The following NTNG1 variants were observed in gnomAD, a reference collection of about 807,000 sequenced individuals.
The protein encoded by NTNG1 is netrin G1, also known as netrin-G1.
NTNG1 carries 16 observed loss-of-function variants against 54.0 expected under a neutral mutation model. The ratio of observed to expected loss-of-function variants is 0.30; its 90% CI spans 0.20 to 0.45. The LOEUF (loss-of-function observed/expected upper bound fraction) is 0.45. Among genes scored for constraint, NTNG1 ranks in the 20% least tolerant of loss-of-function variants. The pLI, the probability that NTNG1 is intolerant of heterozygous loss-of-function variation, is 1.00. For synonymous variants in NTNG1, 255 were observed against 263.1 expected (o/e 0.97, Z 0.30); for missense variants, 530 against 678.7 (o/e 0.78, Z 2.43).
chr1:107,467,394 T>G lies in NTNG1; in HGVS notation c.1391-13217T>G, dbSNP rs568605438. ...TGAACCTATATTAACAATTACCATTTCTGTGACTCTGACAGTCTATCTTTT... is the reference window on the plus strand; with the variant it reads ...TGAACCTATATTAACAATTACCATTGCTGTGACTCTGACAGTCTATCTTTT... On this transcript the variant is annotated intron_variant, in intron 7 of 7. Coordinates refer to ENST00000370068, the MANE Select transcript of NTNG1 (RefSeq NM_001113226.3). Among the ~76,000 whole-genome samples the G allele has an allele frequency of 7.2e-5, 11 of 152,352 alleles. 2 individuals carry two copies. The South Asian group carries it at 2.3e-3, about 32-fold the overall frequency.
At chr1:107,322,930 G>A (rs1351173451) in intron 2 of NTNG1, among the ~76,000 whole-genome samples, 1 of 151,994 alleles carries the variant, frequency 6.6e-6, no homozygotes, top group Non-Finnish European at 1.5e-5. Flanking sequence ...GAGAGTATTA[G>A]CTGACTAGGT....
rs186624085 is a variant in NTNG1, at chr1:107,306,182, A to G, written c.247-18100A>G. On this transcript the variant is annotated intron_variant, in intron 2 of 7. Coordinates refer to ENST00000370068, the MANE Select transcript of NTNG1 (RefSeq NM_001113226.3). ...CTATATAAGTAATTTTAAATTTAAC[A>G]AAGGTAAAATGAAACAGGTAAAATA... Among the ~76,000 whole-genome samples, 196 of 152,358 alleles carry G rather than the reference A, an allele frequency of 1.3e-3. 1 individual carries two copies. The highest frequency in any genetic ancestry group is 4.6e-3 in the African/African-American group (190 of 41,586).
At position 107,247,225 on chromosome 1, in the gene NTNG1, ACCC is replaced by A. The variant is rs1464229995; in HGVS notation, c.247-77056_247-77054del. On this transcript the variant is annotated intron_variant, in intron 2 of 7. Coordinates refer to ENST00000370068, the MANE Select transcript of NTNG1 (RefSeq NM_001113226.3). ...GCACCATTAATCATGCCACAACAGC[ACCC>A]TCAATCTTGCTTAGAAATAATCATT... 2.6e-5 allele frequency among the ~76,000 whole-genome samples: 4 copies of A among 152,300 alleles called. No homozygotes were observed. In the East Asian group the frequency reaches 7.7e-4, roughly 29 times the overall value.
intron 7 of NTNG1, among the ~76,000 whole-genome samples, chr1:107,453,700 A>G (rs915120632): frequency 2.0e-5 from 3 of 152,228 alleles, no homozygotes; most frequent in Non-Finnish European, 4.4e-5. Context: ...ACTCTTACAC[A>G]TAAAAACTCT....
intron 2 of NTNG1, among the ~76,000 whole-genome samples, chr1:107,237,024 G>A (rs1389299472): frequency 6.6e-6 from 1 of 152,182 alleles, no homozygotes; most frequent in African/African-American, 2.4e-5. Context: ...GCAGAGATTG[G>A]AACAGTTTGG....
intron 1 of NTNG1, 144 bp from the exon 2 acceptor site, chr1:107,147,925 T>G (rs1654249801): frequency 6.6e-6 from 1 of 152,178 alleles, no homozygotes; most frequent in South Asian, 2.1e-4. Context: ...GTTTGCTCAT[T>G]CTAGCAAAGC....
intron 5 of NTNG1, chr1:107,418,640 A>G: frequency 6.3e-7 from 1 of 1,594,892 alleles, no homozygotes; most frequent in Non-Finnish European, 8.6e-7. Flanking sequence ...TCTAACCCAA[A>G]ACAAGGTAGG....
intron 3 of NTNG1, among the ~76,000 whole-genome samples, chr1:107,378,972 C>A (rs1671478064): frequency 6.6e-6 from 1 of 152,222 alleles, no homozygotes; most frequent in South Asian, 2.1e-4. Flanking sequence ...TTAAATATAA[C>A]CCTGCAATAG....
intron 7 of NTNG1, among the ~76,000 whole-genome samples, chr1:107,437,523 G>A (rs139918620): frequency 2.6e-5 from 4 of 152,162 alleles, no homozygotes; most frequent in African/African-American, 9.6e-5. Context: ...TTTGAATTCC[G>A]AACTAACTTT....
chr1:107,169,651 A>T (rs1168776787), intron 2 of NTNG1, among the ~76,000 whole-genome samples: 1 of 152,190 alleles, frequency 6.6e-6, no homozygotes, highest in East Asian at 1.9e-4. Context: ...GAAATTTAAA[A>T]TGGTAAGGTG....
rs1159876222 is a variant in NTNG1 at position 107,279,840 on chromosome 1, G to A, written c.247-44442G>A. Among the ~76,000 whole-genome samples the A allele has an allele frequency of 5.3e-5, 8 of 151,972 alleles. No individual in the cohort carries two copies. In the East Asian group the frequency reaches 5.8e-4, roughly 11 times the overall value. ...GGGTCTCTCTCTGTTGCCCAGGCTCGAGTGCAGGGGTGTGAACATAACACA... is the reference window on the plus strand; with the variant it reads ...GGGTCTCTCTCTGTTGCCCAGGCTCAAGTGCAGGGGTGTGAACATAACACA... On this transcript the variant is annotated intron_variant, in intron 2 of 7. Transcript: ENST00000370068.
chr1:107,363,677 A>G (rs1670418987), intron 3 of NTNG1, among the ~76,000 whole-genome samples: 1 of 152,072 alleles, frequency 6.6e-6, no homozygotes. Context: ...TTATATAAAG[A>G]TTGCTTCTCC....
At chr1:107,181,843 G>A (rs1657096470) in intron 2 of NTNG1, among the ~76,000 whole-genome samples, 1 of 152,194 alleles carries the variant, frequency 6.6e-6, no homozygotes, top group African/African-American at 2.4e-5. Context: ...CCTGCAGACT[G>A]ATTTACTATA....
intron 4 of NTNG1, among the ~76,000 whole-genome samples, chr1:107,400,702 G>A (rs770166531): frequency 1.3e-5 from 2 of 150,878 alleles, no homozygotes; most frequent in African/African-American, 4.9e-5. Context: ...AGGCTGGAGT[G>A]CAATGGCATG....
intron 2 of NTNG1, among the ~76,000 whole-genome samples, chr1:107,295,943 C>T (rs564426399): frequency 6.6e-6 from 1 of 152,210 alleles, no homozygotes; most frequent in East Asian, 1.9e-4. Context: ...TCTCTTGTAA[C>T]TTCATATGCC....
At chr1:107,255,030 C>T (rs1662840936) in intron 2 of NTNG1, among the ~76,000 whole-genome samples, 1 of 152,054 alleles carries the variant, frequency 6.6e-6, no homozygotes, top group African/African-American at 2.4e-5. Flanking sequence ...ACACAAAATA[C>T]TTAGATGTAG....
intron 3 of NTNG1, among the ~76,000 whole-genome samples, chr1:107,367,049 A>G (rs569441855): frequency 2.0e-5 from 3 of 147,802 alleles, no homozygotes; most frequent in African/African-American, 7.6e-5. Flanking sequence ...CAAAGGAACA[A>G]TGTCTTTTAT....
chr1:107,289,199 G>A (rs141788323), intron 2 of NTNG1, among the ~76,000 whole-genome samples: 10 of 152,038 alleles, frequency 6.6e-5, no homozygotes, highest in East Asian at 3.9e-4. Context: ...TTTTTACAAC[G>A]GTCTGGGCTG....
chr1:107,199,489 C>G (rs746662454), intron 2 of NTNG1, among the ~76,000 whole-genome samples: 1 of 151,848 alleles, frequency 6.6e-6, no homozygotes, highest in African/African-American at 2.4e-5. Flanking sequence ...AAAATATGTA[C>G]TGGATACTAC....
Sources: gnomAD v4.1 joint callset for allele counts (sites outside exome capture counted in the v4.1 genomes callset) on GRCh38, gnomAD v4.1.1 for gene constraint, MANE v1.5 for transcripts, NCBI Gene and HGNC (gene_info 2026-07-23, HGNC 2026-07-21) for gene names.